The following GPR39 variants were observed in gnomAD, a reference collection of about 807,000 sequenced individuals.
The protein encoded by GPR39 is zinc sensing receptor.
GPR39 carries 23 observed loss-of-function variants against 18.4 expected under a neutral mutation model. The observed-to-expected ratio is 1.25, with a 90% CI of 0.90 to 1.77. The LOEUF (loss-of-function observed/expected upper bound fraction) is 1.77, where lower values mean the gene tolerates loss of function less well. Ranked by LOEUF, GPR39 falls within the 40% of genes most tolerant of loss-of-function variation. GPR39 has a pLI of 0.00. For missense variants in GPR39, 647 were observed against 602.4 expected, an observed-to-expected ratio of 1.07 and a Z score of -0.78; for synonymous variants, 280 against 257.9, an observed-to-expected ratio of 1.09 and a Z score of -0.82.
intron 1 of GPR39, chr2:132,523,761 G>A (rs1361806577): frequency 1.3e-5 from 2 of 152,476 alleles, no homozygotes; most frequent in Non-Finnish European, 2.9e-5. Context: ...CCGCTGAAGA[G>A]GATGACCTTC....
chr2:132,611,630 A>C lies in GPR39; in HGVS notation c.857-33471A>C, dbSNP rs1322517252. Among the ~76,000 whole-genome samples, 7 of 151,018 alleles carry C rather than the reference A, an allele frequency of 4.6e-5. No homozygotes were observed. In the South Asian group the frequency reaches 1.5e-3, roughly 32 times the overall value. On this transcript the variant is annotated intron_variant, in intron 1 of 1. Transcript: ENST00000329321. Reference sequence around the variant, plus strand: ...GAAGACCTGGAGTTTGATTTGCAGAAAAAAAAAAAAAAGTGGAGCTTCATG... The same window carrying C: ...GAAGACCTGGAGTTTGATTTGCAGACAAAAAAAAAAAAGTGGAGCTTCATG...
At chr2:132,417,946 C>G (rs1382911825) in intron 1 of GPR39, 48 bp downstream of exon 1, 1 of 1,531,032 alleles carries the variant, frequency 6.5e-7, no homozygotes, top group African/African-American at 1.4e-5. Context: ...CCAACCTTCC[C>G]CCACGACCCG....
At chr2:132,529,247 C>T (rs999611739) in intron 1 of GPR39, among the ~76,000 whole-genome samples, 3 of 152,220 alleles carry the variant, frequency 2.0e-5, no homozygotes, top group African/African-American at 4.8e-5. Flanking sequence ...CATGTAGCCT[C>T]GCTCATTGCT....
At position 132,645,639 on chromosome 2, in the gene GPR39, G is replaced by GT. The variant is rs1256741673; in HGVS notation, c.*33_*34insT. ...GCGAGGGAGCCTTGAGTGGGAACTG[G>GT]CCCTCCAGCCCTAAGAAAACGTCAC... On this transcript the variant is annotated 3_prime_UTR_variant, in exon 2 of 2. Transcript: ENST00000329321. The GT allele has an allele frequency of 6.3e-7, 1 of 1,579,332 alleles. No homozygotes were observed. Among genetic ancestry groups the GT allele is most frequent in the African/African-American group, 1.4e-5 (1 of 73,586 alleles).
chr2:132,444,945 C>T (rs1416802814), intron 1 of GPR39, among the ~76,000 whole-genome samples: 1 of 152,130 alleles, frequency 6.6e-6, no homozygotes, highest in Non-Finnish European at 1.5e-5. Flanking sequence ...GTACCAGTTT[C>T]CTAAGAGCCA....
At chr2:132,584,787 T>C (rs937913238) in intron 1 of GPR39, among the ~76,000 whole-genome samples, 2 of 152,216 alleles carry the variant, frequency 1.3e-5, no homozygotes, top group African/African-American at 4.8e-5. Context: ...GGATGTCTAT[T>C]AGACGATTAC....
chr2:132,451,230 A>G (rs1178679666), intron 1 of GPR39, among the ~76,000 whole-genome samples: 1 of 150,892 alleles, frequency 6.6e-6, no homozygotes, highest in Non-Finnish European at 1.5e-5. Context: ...CCATTCTTTC[A>G]TTCTGTCCTC....
chr2:132,574,815 A>T (rs1032983638), intron 1 of GPR39, among the ~76,000 whole-genome samples: 15 of 152,238 alleles, frequency 9.9e-5, no homozygotes, highest in African/African-American at 2.9e-4. Context: ...TTTGTAAAAG[A>T]TACAACTTAG....
intron 1 of GPR39, among the ~76,000 whole-genome samples, chr2:132,594,268 TA>T (rs935527323): frequency 6.6e-6 from 1 of 152,132 alleles, no homozygotes; most frequent in African/African-American, 2.4e-5. Flanking sequence ...CACCATTCAT[TA>T]AAAGGAAACA....
intron 1 of GPR39, among the ~76,000 whole-genome samples, chr2:132,524,234 T>C (rs1292699730): frequency 6.6e-6 from 1 of 152,208 alleles, no homozygotes; most frequent in African/African-American, 2.4e-5. Context: ...GTCTTGAGTT[T>C]CCCTGGTAAT....
chr2:132,491,272 C>G (rs1558813817), intron 1 of GPR39, among the ~76,000 whole-genome samples: 1 of 152,106 alleles, frequency 6.6e-6, no homozygotes, highest in East Asian at 1.9e-4. Flanking sequence ...AGAAGAAATT[C>G]TTTTTGGAGA....
At chr2:132,553,272 C>G (rs1325529611) in intron 1 of GPR39, among the ~76,000 whole-genome samples, 2 of 150,950 alleles carry the variant, frequency 1.3e-5, no homozygotes, top group Non-Finnish European at 2.9e-5. Context: ...ACCAATCCCC[C>G]TCCCCTCACG....
At chr2:132,524,625 G>A (rs530882845) in intron 1 of GPR39, among the ~76,000 whole-genome samples, 6 of 152,202 alleles carry the variant, frequency 3.9e-5, no homozygotes, top group South Asian at 4.1e-4. Flanking sequence ...CCCAAAATAC[G>A]GCTATAATTG....
At chr2:132,549,141 C>G (rs973153159) in intron 1 of GPR39, among the ~76,000 whole-genome samples, 1 of 152,170 alleles carries the variant, frequency 6.6e-6, no homozygotes, top group Non-Finnish European at 1.5e-5. Context: ...TAGGCAGGAG[C>G]AGAGCCTTGC....
intron 1 of GPR39, among the ~76,000 whole-genome samples, chr2:132,507,704 A>G (rs1185420901): frequency 6.6e-6 from 1 of 152,202 alleles, no homozygotes; most frequent in African/African-American, 2.4e-5. Flanking sequence ...ACCTCTGACA[A>G]ACTGAATTTG....
intron 1 of GPR39, among the ~76,000 whole-genome samples, chr2:132,432,035 C>G (rs1421491482): frequency 6.6e-6 from 1 of 152,086 alleles, no homozygotes; most frequent in African/African-American, 2.4e-5. Context: ...GTTGTGTTAC[C>G]CCAGTCTCCA....
chr2:132,498,354 C>A (rs531839395), intron 1 of GPR39, among the ~76,000 whole-genome samples: 1 of 152,328 alleles, frequency 6.6e-6, no homozygotes, highest in African/African-American at 2.4e-5. Flanking sequence ...CATTCCTGAG[C>A]CGCTTCACTG....
chr2:132,621,441 C>T (rs1049004097), intron 1 of GPR39, among the ~76,000 whole-genome samples: 7 of 152,228 alleles, frequency 4.6e-5, no homozygotes, highest in African/African-American at 1.7e-4. Flanking sequence ...GTGTCAGCCA[C>T]ATGTCTTGAC....
At chr2:132,628,051 C>T (rs1681583581) in intron 1 of GPR39, among the ~76,000 whole-genome samples, 1 of 152,142 alleles carries the variant, frequency 6.6e-6, no homozygotes, top group South Asian at 2.1e-4. Flanking sequence ...TATCATTCCA[C>T]CCCCATGTTG....
Sources: allele counts gnomAD v4.1 joint callset (sites outside exome capture counted in the v4.1 genomes callset), GRCh38; gene constraint gnomAD v4.1.1; transcripts MANE v1.5; gene names NCBI Gene and HGNC (gene_info 2026-07-23, HGNC 2026-07-21).